Variants in CNTNAP4 observed in about 807,000 individuals in gnomAD.
CNTNAP4 encodes contactin associated protein family member 4, also known as contactin-associated protein-like 4.
In CNTNAP4, 98 loss-of-function variants were observed where a neutral mutation model predicts 148.4. The ratio of observed to expected loss-of-function variants is 0.66; its 90% CI spans 0.56 to 0.78. CNTNAP4 has a LOEUF of 0.78. CNTNAP4 is among the 30% of genes least tolerant of loss of function. The pLI is 0.00. For synonymous variants in CNTNAP4, 730 were observed against 565.1 expected, an observed-to-expected ratio of 1.29 and a Z score of -4.14; for missense variants, 1,935 against 1,565.6, an observed-to-expected ratio of 1.24 and a Z score of -3.98.
intron 3 of CNTNAP4, among the ~76,000 whole-genome samples, chr16:76,391,878 G>A (rs1402818381): frequency 2.6e-5 from 4 of 152,176 alleles, no homozygotes; most frequent in African/African-American, 7.2e-5. Context: ...GGTAATTCAC[G>A]TGCACACCCA....
intron 2 of CNTNAP4, among the ~76,000 whole-genome samples, chr16:76,324,677 T>G (rs923537956): frequency 6.6e-6 from 1 of 152,164 alleles, no homozygotes; most frequent in Admixed American, 6.5e-5. Flanking sequence ...AGCTGCCATG[T>G]CATACAACTG....
At chr16:76,288,897 T>C (rs1958997210) in intron 1 of CNTNAP4, among the ~76,000 whole-genome samples, 1 of 152,160 alleles carries the variant, frequency 6.6e-6, no homozygotes, top group African/African-American at 2.4e-5. Context: ...AGGATCCCAT[T>C]GATTTTTGCT....
At chr16:76,303,305 C>G (rs1342067664) in intron 1 of CNTNAP4, among the ~76,000 whole-genome samples, 1 of 152,086 alleles carries the variant, frequency 6.6e-6, no homozygotes, top group Admixed American at 6.6e-5. Flanking sequence ...CACTAGGAAA[C>G]ATTTCAGCCT....
intron 17 of CNTNAP4, among the ~76,000 whole-genome samples, chr16:76,529,103 C>T (rs1353616504): frequency 6.6e-6 from 1 of 152,190 alleles, no homozygotes; most frequent in Non-Finnish European, 1.5e-5. Context: ...TCCTCTCCTC[C>T]AGATAATTCC....
At chr16:76,511,680 T>G (rs756591872) in intron 15 of CNTNAP4, among the ~76,000 whole-genome samples, 34 of 152,170 alleles carry the variant, frequency 2.2e-4, no homozygotes, top group Non-Finnish European at 3.8e-4. Context: ...CAATTTCACT[T>G]TTGTATGCCC....
At chr16:76,499,264 C>T (rs2082532091) in intron 15 of CNTNAP4, among the ~76,000 whole-genome samples, 1 of 152,024 alleles carries the variant, frequency 6.6e-6, no homozygotes, top group Admixed American at 6.6e-5. Flanking sequence ...GAATAATCTT[C>T]AGAGTAGACA....
rs950653785 is a variant in CNTNAP4 at position 76,390,024 on chromosome 16, T to G, written c.390+34513T>G. 5.3e-5 allele frequency among the ~76,000 whole-genome samples: 8 copies of G among 152,232 alleles called. No homozygotes were observed. The East Asian group carries it at 1.5e-3, about 29-fold the overall frequency. On this transcript the variant is annotated intron_variant, in intron 3 of 23. Transcript: ENST00000611870. ...GTTTGCAATTTGAGCAACTGGAGCT[T>G]AGCCCCACTGGGGAATTCTAGGAGC...
At chr16:76,470,582 G>A (rs978164001) in intron 10 of CNTNAP4, among the ~76,000 whole-genome samples, 2 of 149,748 alleles carry the variant, frequency 1.3e-5, no homozygotes, top group Non-Finnish European at 2.9e-5. Context: ...CCCGGGAGAC[G>A]AAGGTTGCAG....
At chr16:76,456,769 A>G (rs1597603586) in intron 8 of CNTNAP4, among the ~76,000 whole-genome samples, 1 of 152,076 alleles carries the variant, frequency 6.6e-6, no homozygotes, top group Non-Finnish European at 1.5e-5. Context: ...AAATAAAATA[A>G]AATAAAGTAA....
chr16:76,363,245 T>C (rs1283164855), intron 3 of CNTNAP4, among the ~76,000 whole-genome samples: 1 of 151,066 alleles, frequency 6.6e-6, no homozygotes, highest in East Asian at 2.0e-4. Flanking sequence ...TCATTGCAAC[T>C]TCTGCCTCCT....
intron 17 of CNTNAP4, among the ~76,000 whole-genome samples, chr16:76,523,400 G>T (rs1216894032): frequency 6.6e-6 from 1 of 151,540 alleles, no homozygotes; most frequent in Non-Finnish European, 1.5e-5. Context: ...ATATTTTCTG[G>T]TCACCTTCTT....
chr16:76,419,450 T>C (rs2079104817), intron 3 of CNTNAP4, among the ~76,000 whole-genome samples: 1 of 152,086 alleles, frequency 6.6e-6, no homozygotes, highest in African/African-American at 2.4e-5. Context: ...GGATGGGTTC[T>C]TGGAGGTAAA....
At chr16:76,339,756 T>C (rs1964318134) in intron 2 of CNTNAP4, among the ~76,000 whole-genome samples, 1 of 152,252 alleles carries the variant, frequency 6.6e-6, no homozygotes, top group South Asian at 2.1e-4. Flanking sequence ...GCTCAACTAA[T>C]GAGAAGCCTC....
chr16:76,557,055 T>C (rs750323904), intron 23 of CNTNAP4, among the ~76,000 whole-genome samples: 34 of 152,326 alleles, frequency 2.2e-4, no homozygotes, highest in Non-Finnish European at 3.5e-4. Context: ...TTGATTCACA[T>C]TGCTATTTTC....
intron 3 of CNTNAP4, among the ~76,000 whole-genome samples, chr16:76,363,167 T>TC (rs990532040): frequency 2.0e-5 from 3 of 151,714 alleles, no homozygotes; most frequent in African/African-American, 7.3e-5. Context: ...TATCTTTTTT[T>TC]TTTTTTTTTG....
chr16:76,457,885 T>G (rs535980831), intron 8 of CNTNAP4, among the ~76,000 whole-genome samples: 1 of 150,654 alleles, frequency 6.6e-6, no homozygotes, highest in South Asian at 2.1e-4. Context: ...GGGTTTCAAT[T>G]GAACCCATTA....
At chr16:76,370,930 C>T (rs900205974) in intron 3 of CNTNAP4, among the ~76,000 whole-genome samples, 7 of 151,552 alleles carry the variant, frequency 4.6e-5, no homozygotes, top group Non-Finnish European at 7.4e-5. Flanking sequence ...ACATTTAGCG[C>T]TCTTCTGTCC....
intron 3 of CNTNAP4, among the ~76,000 whole-genome samples, chr16:76,412,892 A>T (rs1245858357): frequency 1.3e-5 from 2 of 151,438 alleles, no homozygotes; most frequent in Non-Finnish European, 3.0e-5. Context: ...TCTTCCTATA[A>T]CATTACTGTT....
At chr16:76,490,179 GCA>G (rs2082162704) in intron 13 of CNTNAP4, among the ~76,000 whole-genome samples, 1 of 152,200 alleles carries the variant, frequency 6.6e-6, no homozygotes, top group African/African-American at 2.4e-5. Flanking sequence ...CTCAGTGAAT[GCA>G]CAGTGTTTAT....
Sources: allele counts gnomAD v4.1 joint callset (sites outside exome capture counted in the v4.1 genomes callset), GRCh38; gene constraint gnomAD v4.1.1; transcripts MANE v1.5; gene names NCBI Gene and HGNC (gene_info 2026-07-23, HGNC 2026-07-21).